Variants in TENM3 observed in about 807,000 individuals in gnomAD.
The protein encoded by TENM3 is teneurin transmembrane protein 3.
Under a neutral mutation model 255.1 loss-of-function variants are expected in TENM3, and 63 were observed. The ratio of observed to expected loss-of-function variants is 0.25; its 90% CI spans 0.20 to 0.30. The LOEUF (loss-of-function observed/expected upper bound fraction) is 0.30. Ranked by LOEUF, TENM3 falls within the 10% of genes least tolerant of loss-of-function variation. The probability of loss-of-function intolerance (pLI) is 1.00; values close to 1 mark genes in which losing one functional copy is unlikely to be tolerated. For synonymous variants in TENM3, 1,306 were observed against 1,322.3 expected (o/e 0.99, Z 0.27); for missense variants, 2,929 against 3,461.1 (o/e 0.85, Z 3.86).
the TENM3 span, among the ~76,000 whole-genome samples, chr4:182,126,582 C>A: frequency 6.6e-6 from 1 of 152,124 alleles, no homozygotes; most frequent in Non-Finnish European, 1.5e-5. Context: ...TAGCCTCTAA[C>A]GTGATCTTCT....
the TENM3 span, among the ~76,000 whole-genome samples, chr4:182,096,739 G>A: frequency 6.6e-6 from 1 of 152,144 alleles, no homozygotes. Context: ...CCAGTCTCTG[G>A]ATTCAGCTGC....
At chr4:181,757,434 G>A in the TENM3 span, among the ~76,000 whole-genome samples, 1 of 152,246 alleles carries the variant, frequency 6.6e-6, no homozygotes, top group East Asian at 1.9e-4. Context: ...CAAAAGGGAA[G>A]GTGTAATTCA....
intron 1 of TENM3, among the ~76,000 whole-genome samples, chr4:182,203,531 G>A (rs1226868335): frequency 2.0e-5 from 3 of 152,196 alleles, no homozygotes; most frequent in East Asian, 1.9e-4. Flanking sequence ...GCAGTTGGGA[G>A]ACTTGAGTTC....
the TENM3 span, among the ~76,000 whole-genome samples, chr4:181,630,403 C>G: frequency 6.6e-6 from 1 of 152,092 alleles, no homozygotes; most frequent in Non-Finnish European, 1.5e-5. Context: ...TTTGCTCTTG[C>G]TTCTGTAGTT....
chr4:182,112,780 T>C, the TENM3 span, among the ~76,000 whole-genome samples: 1 of 152,162 alleles, frequency 6.6e-6, no homozygotes, highest in African/African-American at 2.4e-5. Flanking sequence ...CTCCACTGAG[T>C]GATGTTTTTA....
the TENM3 span, among the ~76,000 whole-genome samples, chr4:181,546,448 G>A: frequency 6.7e-6 from 1 of 150,270 alleles, no homozygotes. Flanking sequence ...GAGCGCGGTG[G>A]CTCACGCCTG....
At position 182,752,088 on chromosome 4, in the gene TENM3, A is replaced by AG. The variant is rs1554029563; in HGVS notation, c.3862+60dup. On this transcript the variant is annotated intron_variant, in intron 20 of 27. Transcript: ENST00000511685. ...TTTTATTTATTAAAAAAAAAAAAAA[A>AG]GGGGTTGAAAATCCATTTAGTGCCT... 1.4e-3 allele frequency: 1,459 copies of AG among 1,078,596 alleles called. 5 individuals carry two copies. Among genetic ancestry groups the AG allele is most frequent in the African/African-American group, 7.4e-3 (456 of 61,334 alleles). The allele number at this position is 1,078,596 out of a possible 1,614,324, so 66.8% of individuals were successfully genotyped here.
In TENM3 at chr4:182,755,007, A is replaced by G; in HGVS notation, c.4640A>G (p.Tyr1547Cys). The G allele has an allele frequency of 6.2e-7, 1 of 1,614,014 alleles. No individual in the cohort carries two copies. The highest frequency in any genetic ancestry group is 8.5e-7 in the Non-Finnish European group (1 of 1,179,882). Residue 1547 changes from tyrosine (Y) to cysteine (C), a missense_variant, in exon 22 of 28, where the codon TAC becomes TGC. By Grantham distance (194) the Tyr-to-Cys change is radical. Around this residue, in one of 6 missense-constraint regions of TENM3, gnomAD observed 1,608 missense variants for 1,884.4 expected, o/e 0.85. Coordinates refer to ENST00000511685, the MANE Select transcript of TENM3 (RefSeq NM_001080477.4). Reference sequence around the variant, plus strand: ...GGTGATTACCTTTACAATTTTAGCTACAGCAATGACAATGATATTACTGCT... The same window carrying G: ...GGTGATTACCTTTACAATTTTAGCTGCAGCAATGACAATGATATTACTGCT... Reference protein sequence around the residue: ...VTGDYLYNFSYSNDNDITAVT... With the variant: ...VTGDYLYNFSCSNDNDITAVT...
At chr4:181,617,642 C>T in the TENM3 span, among the ~76,000 whole-genome samples, 70 of 152,240 alleles carry the variant, frequency 4.6e-4, 2 homozygotes, top group South Asian at 7.5e-3. Flanking sequence ...ATGGGAGGCC[C>T]TTGGAAGGTG....
At chr4:181,995,457 A>C in the TENM3 span, among the ~76,000 whole-genome samples, 2 of 152,190 alleles carry the variant, frequency 1.3e-5, no homozygotes, top group African/African-American at 4.8e-5. Flanking sequence ...CAGCTTATTC[A>C]CAAAATGGAA....
chr4:181,618,772 A>AT, the TENM3 span, among the ~76,000 whole-genome samples: 1 of 152,186 alleles, frequency 6.6e-6, no homozygotes, highest in South Asian at 2.1e-4. Flanking sequence ...CACGAAATTG[A>AT]TTAGTGGGGT....
chr4:182,737,522 A>G (rs1184529232), intron 17 of TENM3, among the ~76,000 whole-genome samples: 2 of 152,206 alleles, frequency 1.3e-5, no homozygotes, highest in African/African-American at 2.4e-5. Context: ...CATGAATTAC[A>G]TCAGCTGTTT....
At chr4:182,534,432 G>A (rs150243059) in intron 3 of TENM3, among the ~76,000 whole-genome samples, 31 of 152,316 alleles carry the variant, frequency 2.0e-4, no homozygotes, top group Non-Finnish European at 3.5e-4. Context: ...AAAGCAGAAA[G>A]CAAGGCTGAG....
At chr4:182,324,280 C>G in intron 2 of TENM3, 28 bp downstream of exon 2, 3 of 1,514,614 alleles carry the variant, frequency 2.0e-6, no homozygotes, top group Non-Finnish European at 1.8e-6. Flanking sequence ...TAAAATAAGG[C>G]AATGCTCACG....
the TENM3 span, among the ~76,000 whole-genome samples, chr4:181,815,287 A>C: frequency 6.7e-6 from 1 of 149,958 alleles, no homozygotes; most frequent in Non-Finnish European, 1.5e-5. Flanking sequence ...CCCCGTCTCT[A>C]CAAAAATACA....
chr4:182,739,057 C>A (rs1316700285), intron 18 of TENM3, among the ~76,000 whole-genome samples: 4 of 149,332 alleles, frequency 2.7e-5, no homozygotes, highest in East Asian at 3.9e-4. Flanking sequence ...TTTTTCAGTT[C>A]TTCTCAGACT....
At chr4:182,771,357 T>G (rs151091291) in intron 22 of TENM3, among the ~76,000 whole-genome samples, 2 of 152,278 alleles carry the variant, frequency 1.3e-5, no homozygotes, top group African/African-American at 2.4e-5. Context: ...CAGCTTTAAA[T>G]CAGGCACTGT....
intron 3 of TENM3, among the ~76,000 whole-genome samples, chr4:182,391,132 A>G (rs1768394445): frequency 6.6e-6 from 1 of 152,220 alleles, no homozygotes; most frequent in Non-Finnish European, 1.5e-5. Flanking sequence ...TATTAGAGTA[A>G]TATTAAAAAT....
the TENM3 span, among the ~76,000 whole-genome samples, chr4:181,764,171 A>G: frequency 1.1e-4 from 17 of 152,228 alleles, no homozygotes; most frequent in Admixed American, 2.6e-4. Flanking sequence ...CTTTTTAACA[A>G]AAGAAAAAAC....
Sources: gnomAD v4.1 joint callset for allele counts (sites outside exome capture counted in the v4.1 genomes callset) on GRCh38, gnomAD v4.1.1 for gene constraint, gnomAD v4.1.1 regional missense constraint, MANE v1.5 for transcripts, NCBI Gene and HGNC (gene_info 2026-07-23, HGNC 2026-07-21) for gene names.